Variants in PTPRM observed in about 807,000 individuals in gnomAD.
The protein encoded by PTPRM is protein tyrosine phosphatase receptor type M.
In PTPRM, 47 loss-of-function variants were observed where a neutral mutation model predicts 186.7. The ratio of observed to expected loss-of-function variants is 0.25; its 90% CI spans 0.20 to 0.32. PTPRM has a LOEUF of 0.32. PTPRM is among the 10% of genes least tolerant of loss of function. The probability of loss-of-function intolerance (pLI) is 1.00; values close to 1 mark genes in which losing one functional copy is unlikely to be tolerated. For missense variants in PTPRM, 1,494 were observed against 1,865.0 expected, an observed-to-expected ratio of 0.80 and a Z score of 3.66; for synonymous variants, 668 against 674.9, an observed-to-expected ratio of 0.99 and a Z score of 0.16.
chr18:7,914,583 T>TA (rs1318186465), intron 4 of PTPRM, among the ~76,000 whole-genome samples: 10 of 151,758 alleles, frequency 6.6e-5, no homozygotes, highest in Non-Finnish European at 1.0e-4. Context: ...ATCACAATGC[T>TA]TACCACATTC....
At chr18:8,131,272 C>A (rs1328429377) in intron 13 of PTPRM, among the ~76,000 whole-genome samples, 3 of 152,198 alleles carry the variant, frequency 2.0e-5, no homozygotes, top group Non-Finnish European at 4.4e-5. Context: ...ATTATTCTGT[C>A]ACATGTGAAG....
At chr18:7,662,963 G>T (rs1350654167) in intron 1 of PTPRM, among the ~76,000 whole-genome samples, 2 of 152,158 alleles carry the variant, frequency 1.3e-5, no homozygotes, top group African/African-American at 4.8e-5. Flanking sequence ...CACTTGCCTG[G>T]AATACTTGCT....
intron 22 of PTPRM, among the ~76,000 whole-genome samples, chr18:8,332,641 A>G (rs2095418015): frequency 6.6e-6 from 1 of 152,188 alleles, no homozygotes; most frequent in African/African-American, 2.4e-5. Context: ...GATTTTAGGT[A>G]TAAGAAGAGT....
chr18:7,816,858 A>G (rs2044854926), intron 2 of PTPRM, among the ~76,000 whole-genome samples: 1 of 152,266 alleles, frequency 6.6e-6, no homozygotes, highest in African/African-American at 2.4e-5. Flanking sequence ...GTTGATCTGA[A>G]CAACATAGAT....
intron 10 of PTPRM, among the ~76,000 whole-genome samples, chr18:8,088,188 CTA>C (rs972214555): frequency 3.3e-5 from 5 of 152,254 alleles, no homozygotes; most frequent in South Asian, 4.1e-4. Flanking sequence ...ATTTCAGTTC[CTA>C]TGTGTTTTCC....
chr18:8,061,226 C>G (rs1261244736), intron 7 of PTPRM, among the ~76,000 whole-genome samples: 1 of 39,824 alleles, frequency 2.5e-5, no homozygotes, highest in East Asian at 4.4e-4. Flanking sequence ...TTCTTTGTCT[C>G]TTTTGATCTT....
Position 8,333,940 on chromosome 18 carries a change from G to A in PTPRM, c.2957-9483G>A, listed in dbSNP as rs572371666. ...ATGCGCTCAAACGGGCCCTGGTCTC[G>A]GGCAGTTCAGTTCATTCTGCAGTCA... On this transcript the variant is annotated intron_variant, in intron 22 of 32. Coordinates refer to ENST00000580170, the MANE Select transcript of PTPRM (RefSeq NM_001105244.2). 2.4e-4 allele frequency among the ~76,000 whole-genome samples: 37 copies of A among 152,288 alleles called. 1 individual carries two copies. Among genetic ancestry groups the A allele is most frequent in the African/African-American group, 4.6e-4 (19 of 41,564 alleles).
At chr18:7,796,778 G>T (rs2043680682) in intron 2 of PTPRM, among the ~76,000 whole-genome samples, 3 of 152,172 alleles carry the variant, frequency 2.0e-5, no homozygotes, top group Admixed American at 1.3e-4. Flanking sequence ...GCCTAATTTA[G>T]CCAGTCATCT....
intron 1 of PTPRM, among the ~76,000 whole-genome samples, chr18:7,712,323 A>G (rs1320810156): frequency 6.6e-6 from 1 of 152,174 alleles, no homozygotes; most frequent in Non-Finnish European, 1.5e-5. Context: ...AACATCAAGG[A>G]AAAGGACATC....
At chr18:7,728,295 G>A (rs2040588580) in intron 1 of PTPRM, among the ~76,000 whole-genome samples, 1 of 152,194 alleles carries the variant, frequency 6.6e-6, no homozygotes, top group African/African-American at 2.4e-5. Context: ...CTCATGACCA[G>A]AAAGAATTAA....
intron 7 of PTPRM, among the ~76,000 whole-genome samples, chr18:7,966,726 C>T (rs1488809804): frequency 2.8e-5 from 4 of 145,446 alleles, no homozygotes; most frequent in African/African-American, 7.4e-5. Context: ...TCACTCCCAC[C>T]CGAATACTGC....
intron 14 of PTPRM, among the ~76,000 whole-genome samples, chr18:8,197,541 G>A (rs1410702332): frequency 6.6e-6 from 1 of 152,206 alleles, no homozygotes; most frequent in Non-Finnish European, 1.5e-5. Flanking sequence ...AAGTTGCTTA[G>A]GAGTAGGCTT....
chr18:7,720,221 A>C (rs2040420758), intron 1 of PTPRM, among the ~76,000 whole-genome samples: 1 of 152,230 alleles, frequency 6.6e-6, no homozygotes, highest in South Asian at 2.1e-4. Flanking sequence ...TGATGATTTG[A>C]TTCTAATATC....
intron 14 of PTPRM, among the ~76,000 whole-genome samples, chr18:8,235,283 T>C (rs1043353952): frequency 6.6e-6 from 1 of 152,102 alleles, no homozygotes; most frequent in Admixed American, 6.5e-5. Flanking sequence ...TGTGTGTTTC[T>C]TCTTGTGTGA....
intron 1 of PTPRM, among the ~76,000 whole-genome samples, chr18:7,659,694 TCC>T (rs2038934758): frequency 3.9e-5 from 6 of 152,170 alleles, no homozygotes; most frequent in Non-Finnish European, 7.3e-5. Context: ...TAGCACTAGC[TCC>T]ACTGAATATA....
chr18:8,041,658 T>C (rs1444152252), intron 7 of PTPRM, among the ~76,000 whole-genome samples: 5 of 152,194 alleles, frequency 3.3e-5, no homozygotes, highest in Non-Finnish European at 5.9e-5. Context: ...ACAGTAGAGC[T>C]TGAGTTGGCT....
At chr18:8,264,324 A>G (rs1020870218) in intron 19 of PTPRM, among the ~76,000 whole-genome samples, 1 of 152,210 alleles carries the variant, frequency 6.6e-6, no homozygotes, top group Admixed American at 6.5e-5. Flanking sequence ...ACTCTATATC[A>G]TCATAGACAG....
intron 14 of PTPRM, among the ~76,000 whole-genome samples, chr18:8,243,186 G>A (rs934802436): frequency 6.6e-6 from 1 of 152,150 alleles, no homozygotes; most frequent in African/African-American, 2.4e-5. Flanking sequence ...AGTCATTTTA[G>A]ATGTTGAGTT....
At chr18:7,626,803 A>G (rs141222549) in intron 1 of PTPRM, among the ~76,000 whole-genome samples, 288 of 152,206 alleles carry the variant, frequency 1.9e-3, no homozygotes, top group African/African-American at 6.4e-3. Context: ...AATCCCCCCA[A>G]TTTGGCCTCC....
Sources: allele counts gnomAD v4.1 joint callset (sites outside exome capture counted in the v4.1 genomes callset), GRCh38; gene constraint gnomAD v4.1.1; transcripts MANE v1.5; gene names NCBI Gene and HGNC (gene_info 2026-07-23, HGNC 2026-07-21).